Variants in UGGT2 observed in about 807,000 individuals in gnomAD.
UGGT2 encodes the protein UDP-glucose glycoprotein glucosyltransferase 2.
UGGT2 carries 180 observed loss-of-function variants against 192.1 expected under a neutral mutation model. That is an observed-to-expected ratio of 0.94 (90% CI 0.83 to 1.06). The LOEUF is 1.06. UGGT2 is among the 50% of genes least tolerant of loss of function. UGGT2 has a pLI of 0.00. For missense variants in UGGT2, 1,849 were observed against 1,795.7 expected, an observed-to-expected ratio of 1.03 and a Z score of -0.54; for synonymous variants, 580 against 591.0, an observed-to-expected ratio of 0.98 and a Z score of 0.27.
chr13:95,909,080 G>C (rs1386756087), intron 20 of UGGT2, among the ~76,000 whole-genome samples: 55 of 151,892 alleles, frequency 3.6e-4, no homozygotes, highest in Admixed American at 6.6e-4. Context: ...TATGGTTTTA[G>C]GTCTAACGTT....
intron 1 of UGGT2, among the ~76,000 whole-genome samples, chr13:96,042,321 A>G (rs1201061797): frequency 6.6e-6 from 1 of 152,204 alleles, no homozygotes; most frequent in Non-Finnish European, 1.5e-5. Flanking sequence ...GAAGGAGAGT[A>G]CTACATCAAG....
chr13:95,904,034 T>C (rs1018333779), intron 20 of UGGT2, among the ~76,000 whole-genome samples: 1 of 152,182 alleles, frequency 6.6e-6, no homozygotes, highest in African/African-American at 2.4e-5. Flanking sequence ...CCAGTATTTT[T>C]TGGATTATCT....
chr13:95,957,999 A>G (rs1305516551), intron 12 of UGGT2, among the ~76,000 whole-genome samples: 2 of 152,228 alleles, frequency 1.3e-5, no homozygotes, highest in Non-Finnish European at 2.9e-5. Flanking sequence ...GAAAACAGTA[A>G]CAAACATCTA....
intron 38 of UGGT2, among the ~76,000 whole-genome samples, chr13:95,830,145 A>G (rs1049035866): frequency 2.6e-5 from 4 of 152,324 alleles, no homozygotes; most frequent in South Asian, 4.1e-4. Flanking sequence ...TGGATTAAAG[A>G]CTTAAATGTT....
At chr13:95,928,205 G>A (rs1182630552) in intron 17 of UGGT2, among the ~76,000 whole-genome samples, 19 of 152,058 alleles carry the variant, frequency 1.2e-4, no homozygotes, top group South Asian at 8.3e-4. Context: ...GGTGGCGGCC[G>A]GGCAGAGGCG....
At chr13:95,839,256 G>A (rs570535717) in intron 36 of UGGT2, among the ~76,000 whole-genome samples, 1 of 152,162 alleles carries the variant, frequency 6.6e-6, no homozygotes, top group Admixed American at 6.5e-5. Context: ...CTACTCTGTT[G>A]TCACTTAGCT....
chr13:95,895,373 C>T (rs534738415), intron 22 of UGGT2, 69 bp from the exon 23 acceptor site: 5 of 966,696 alleles, frequency 5.2e-6, no homozygotes, highest in Non-Finnish European at 7.1e-6. Flanking sequence ...AACATTTCCT[C>T]ATCAAATAGA....
rs144375182 is a variant in UGGT2 at position 96,042,466 on chromosome 13, C to T, written c.159-10495G>A. ...TATGACAAAACAAGGTTCTTTAACA[C>T]CCCCCAAAAAAATCACACTCGCTCA... On this transcript the variant is annotated intron_variant, in intron 1 of 38. Coordinates refer to ENST00000376747, the MANE Select transcript of UGGT2 (RefSeq NM_020121.4). Among the ~76,000 whole-genome samples the T allele has an allele frequency of 5.1e-3, 778 of 152,120 alleles. 11 individuals carry two copies. Among genetic ancestry groups the T allele is most frequent in the African/African-American group, 0.018 (744 of 41,492 alleles).
chr13:95,859,753 T>C, intron 32 of UGGT2, 78 bp from the exon 33 acceptor site: 1 of 1,075,326 alleles, frequency 9.3e-7, no homozygotes, highest in Non-Finnish European at 1.3e-6. Context: ...TTGAAGTGTT[T>C]TTTAAAATTT....
chr13:95,856,437 A>G (rs1889624808), intron 33 of UGGT2, 97 bp from the exon 34 acceptor site: 12 of 1,319,090 alleles, frequency 9.1e-6, no homozygotes, highest in Non-Finnish European at 1.1e-5. Context: ...CTTCCTATAA[A>G]TTGTTATAAA....
intron 11 of UGGT2, among the ~76,000 whole-genome samples, chr13:95,972,238 C>G (rs2050796414): frequency 6.6e-6 from 1 of 152,014 alleles, no homozygotes; most frequent in Non-Finnish European, 1.5e-5. Flanking sequence ...GGAAATACCC[C>G]ATGTTGACTT....
Position 95,894,591 on chromosome 13 carries a change from A to G in UGGT2, c.2826T>C (p.Tyr942=), listed in dbSNP as rs779334504. The part of the protein sequence containing the change: ...MSSVPKRASR[Y]DVTFLRENHS... ...GATTCTCCCTAAGAAATGTGACATCATATCGAGATGCACGCTTAGGCACAG... is the reference window on the plus strand; with the variant it reads ...GATTCTCCCTAAGAAATGTGACATCGTATCGAGATGCACGCTTAGGCACAG... The change falls in exon 24 of 39, where the codon TAT becomes TAC. Residue 942 remains tyrosine (Y), a synonymous_variant. Transcript: ENST00000376747. 10 of 1,610,798 alleles carry G rather than the reference A, an allele frequency of 6.2e-6. No homozygotes were observed. In the Admixed American group the frequency reaches 1.2e-4, roughly 19 times the overall value.
At chr13:95,994,673 T>G (rs2140911493) in intron 7 of UGGT2, among the ~76,000 whole-genome samples, 1 of 152,156 alleles carries the variant, frequency 6.6e-6, no homozygotes, top group East Asian at 1.9e-4. Context: ...ACTATACCAA[T>G]TATTTACTTG....
At chr13:95,871,908 G>A (rs1170748124) in intron 29 of UGGT2, among the ~76,000 whole-genome samples, 1 of 152,144 alleles carries the variant, frequency 6.6e-6, no homozygotes. Flanking sequence ...AGTTACGGTG[G>A]ACCAACTCGA....
rs1175198255 is a variant in UGGT2, at chr13:95,951,078, G to A, written c.1336-1624C>T. On this transcript the variant is annotated intron_variant, in intron 12 of 38. Transcript: ENST00000376747. ...TTATTGTGGACTGAACTAAGTCAGA[G>A]GCAGTGGCTTCAGAGAAAAGGTGAC... Among the ~76,000 whole-genome samples, 6 of 152,174 alleles carry A rather than the reference G, an allele frequency of 3.9e-5. No homozygotes were observed. The East Asian group carries it at 1.2e-3, about 29-fold the overall frequency.
intron 5 of UGGT2, among the ~76,000 whole-genome samples, chr13:96,004,923 A>G (rs1188841691): frequency 1.3e-5 from 2 of 151,840 alleles, no homozygotes; most frequent in Admixed American, 6.6e-5. Context: ...TTCCCAACCA[A>G]TGTGCCAGAT....
At chr13:95,954,151 A>G (rs2050147148) in intron 12 of UGGT2, among the ~76,000 whole-genome samples, 1 of 152,232 alleles carries the variant, frequency 6.6e-6, no homozygotes, top group African/African-American at 2.4e-5. Flanking sequence ...TTAAAAAAAT[A>G]TTGTCTAAAA....
intron 25 of UGGT2, among the ~76,000 whole-genome samples, chr13:95,889,291 ACAAG>A (rs1354171699): frequency 2.0e-5 from 3 of 152,186 alleles, no homozygotes; most frequent in Admixed American, 6.6e-5. Context: ...TGCTAAAAGA[ACAAG>A]TAGGTAAATC....
At chr13:95,993,068 A>G (rs919838690) in intron 7 of UGGT2, among the ~76,000 whole-genome samples, 11 of 152,246 alleles carry the variant, frequency 7.2e-5, no homozygotes, top group African/African-American at 2.4e-4. Flanking sequence ...TACATATACC[A>G]CCATGGAAAA....
Sources: allele counts gnomAD v4.1 joint callset (sites outside exome capture counted in the v4.1 genomes callset), GRCh38; gene constraint gnomAD v4.1.1; transcripts MANE v1.5; gene names NCBI Gene and HGNC (gene_info 2026-07-23, HGNC 2026-07-21).